SORL1: variants seen among roughly 807,000 people sequenced by gnomAD.
SORL1 encodes sortilin-related receptor.
SORL1 carries 127 observed loss-of-function variants against 273.7 expected under a neutral mutation model. The observed-to-expected ratio is 0.46, with a 90% CI of 0.40 to 0.54. SORL1 has a LOEUF of 0.54. SORL1 is among the 20% of genes least tolerant of loss of function. The pLI is 0.00. For missense variants in SORL1, 2,494 were observed against 2,846.1 expected (o/e 0.88, Z 2.81); for synonymous variants, 1,031 against 1,067.4 (o/e 0.97, Z 0.66).
chr11:121,577,098 A>G (rs1790212), intron 24 of SORL1, 183 bp from the exon 25 acceptor site: 1,089,589 of 1,093,662 alleles, frequency 1, 542,886 homozygotes, highest in East Asian at 1. Flanking sequence ...ACCCATTTGC[A>G]GCACACTGAC....
Position 121,619,857 on chromosome 11 carries a change from G to A in SORL1, c.5829G>A (p.Thr1943=), listed in dbSNP as rs763449884. The A allele has an allele frequency of 8.7e-6, 14 of 1,613,918 alleles. No individual in the cohort carries two copies. In the Admixed American group the frequency reaches 1.0e-4, roughly 12 times the overall value. The change falls in exon 43 of 48, where the codon ACG becomes ACA. Residue 1943 remains threonine, a synonymous_variant. Transcript: ENST00000260197. ...CCCGTCACCTGCATGTGGTTCATACGGGCAAAACCTCCGTGGTCATCAAGT... is the reference window on the plus strand; with the variant it reads ...CCCGTCACCTGCATGTGGTTCATACAGGCAAAACCTCCGTGGTCATCAAGT... The part of the protein sequence containing the change: ...LPPRHLHVVH[T]GKTSVVIKWE...
chr11:121,621,271 ACAGC>A (rs759541544), intron 44 of SORL1, 33 bp downstream of exon 44: 43 of 1,594,162 alleles, frequency 2.7e-5, no homozygotes, highest in Admixed American at 1.9e-4. Context: ...GTCTTCTCAC[ACAGC>A]CTGCCCTCAG....
chr11:121,621,338 C>T, intron 44 of SORL1, 100 bp downstream of exon 44: 3 of 1,082,476 alleles, frequency 2.8e-6, no homozygotes, highest in Non-Finnish European at 4.0e-6. Flanking sequence ...GTTTGTTTCA[C>T]AGGGAGTGCA....
chr11:121,490,180 G>T, intron 5 of SORL1, 70 bp downstream of exon 5: 1 of 1,028,280 alleles, frequency 9.7e-7, no homozygotes, highest in Non-Finnish European at 1.5e-6. Flanking sequence ...CCTTCTTGGT[G>T]GACAAACTGC....
At chr11:121,610,131 C>T (rs947270438) in intron 38 of SORL1, 1 of 152,274 alleles carries the variant, frequency 6.6e-6, no homozygotes, top group African/African-American at 2.4e-5. Context: ...CAAATCTTAT[C>T]TGCTCCTTTG....
Position 121,522,591 on chromosome 11 carries a change from C to T in SORL1, c.1410C>T (p.Ser470=), listed in dbSNP as rs1862056461. 2 of 1,613,542 alleles carry T rather than the reference C, an allele frequency of 1.2e-6. No individual in the cohort carries two copies. Among genetic ancestry groups the T allele is most frequent in the South Asian group, 1.1e-5 (1 of 91,066 alleles). ...CTGAAACTTTGGTTGTATAGCTTTC[C>T]CAGGGCTGTTCCCTTCATCTGGCTC... The part of the protein sequence containing the change: ...GYGEKINCEL[S]QGCSLHLAQR... The change falls in exon 10 of 48, where the codon TCC becomes TCT. Residue 470 remains serine (S), a synonymous_variant. Transcript: ENST00000260197.
rs1799018992 is a variant in SORL1 at position 121,633,287 on chromosome 11, C to T, written c.*3724C>T. On this transcript the variant is annotated 3_prime_UTR_variant, in exon 48 of 48. Coordinates refer to ENST00000260197, the MANE Select transcript of SORL1 (RefSeq NM_003105.6). ...AGCCATATTATGAATTAAATCGTCA[C>T]AGCCAAGTAATAACCCAAGAATGGT... The T allele has an allele frequency of 6.6e-6, 1 of 152,180 alleles. No individual in the cohort carries two copies. The highest frequency in any genetic ancestry group is 6.5e-5 in the Admixed American group (1 of 15,272). The allele number at this position is 152,180 out of a possible 1,614,324, so 9.4% of individuals were successfully genotyped here.
At chr11:121,458,331 A>AC (rs1304253565) in intron 1 of SORL1, among the ~76,000 whole-genome samples, 4 of 152,222 alleles carry the variant, frequency 2.6e-5, no homozygotes, top group Non-Finnish European at 5.9e-5. Context: ...GATGCAGATA[A>AC]TTGAGAGTTG....
chr11:121,557,555 G>A, intron 19 of SORL1, 150 bp downstream of exon 19: 1 of 645,156 alleles, frequency 1.6e-6, no homozygotes, highest in Middle Eastern at 2.5e-4. Context: ...CCACAGCTTA[G>A]TCATCGTGGT....
At chr11:121,504,590 C>T (rs1591303602) in intron 6 of SORL1, among the ~76,000 whole-genome samples, 1 of 152,006 alleles carries the variant, frequency 6.6e-6, no homozygotes, top group African/African-American at 2.4e-5. Context: ...TGTGTGGATT[C>T]CTTAGGATTT....
chr11:121,563,596 A>G lies in SORL1; in HGVS notation c.3050-3344A>G, dbSNP rs552572402. 6.0e-4 allele frequency among the ~76,000 whole-genome samples: 92 copies of G among 152,274 alleles called. No homozygotes were observed. Among genetic ancestry groups the G allele is most frequent in the African/African-American group, 2.1e-3 (88 of 41,554 alleles). ...ATTTTAGTAGAGATTGGGTTTCACC[A>G]TGTTGCCCAGGCTGGTCTTGAACTC... On this transcript the variant is annotated intron_variant, in intron 21 of 47. Coordinates refer to ENST00000260197, the MANE Select transcript of SORL1 (RefSeq NM_003105.6). The surrounding 1 kb of genome is among the most constrained non-coding windows in gnomAD (Gnocchi z 4.2).
chr11:121,574,475 G>A, intron 24 of SORL1, 112 bp downstream of exon 24: 1 of 979,436 alleles, frequency 1.0e-6, no homozygotes, highest in Non-Finnish European at 1.5e-6. Context: ...CAGGATTTAT[G>A]ATATTCTAGC....
intron 3 of SORL1, 103 bp from the exon 4 acceptor site, chr11:121,487,929 C>A: frequency 8.3e-7 from 1 of 1,211,834 alleles, no homozygotes; most frequent in African/African-American, 1.5e-5. Flanking sequence ...TGCCAGCTGG[C>A]CCCTGCACAT....
In SORL1 at chr11:121,627,257, A is replaced by G. The variant is rs1411297026; in HGVS notation, c.6365-298A>G. Reference sequence around the variant, plus strand: ...AATAATGCTAATGAAATCAATGTTGATACCCCAACAAAGGTCTCCCTTCCA... The same window carrying G: ...AATAATGCTAATGAAATCAATGTTGGTACCCCAACAAAGGTCTCCCTTCCA... On this transcript the variant is annotated intron_variant, in intron 46 of 47. Transcript: ENST00000260197. The surrounding 1 kb of genome is among the most constrained non-coding windows in gnomAD (Gnocchi z 4.9). The G allele has an allele frequency of 2.6e-6, 1 of 381,382 alleles. No homozygotes were observed. The highest frequency in any genetic ancestry group is 4.8e-6 in the Non-Finnish European group (1 of 208,158). 23.6% of individuals were successfully genotyped at this position (381,382 alleles called of 1,614,324 possible).
intron 46 of SORL1, chr11:121,626,608 C>T (rs1863798668): frequency 6.6e-6 from 1 of 152,232 alleles, no homozygotes; most frequent in African/African-American, 2.4e-5. Flanking sequence ...ACAGAGCTTT[C>T]TAGTGAAGCA....
intron 11 of SORL1, among the ~76,000 whole-genome samples, chr11:121,531,685 C>T (rs1355409963): frequency 6.6e-6 from 1 of 152,168 alleles, no homozygotes; most frequent in African/African-American, 2.4e-5. Context: ...GTATGCTAAG[C>T]CTTTGTTACA....
In SORL1 at chr11:121,622,162, T is replaced by C. The variant is rs143520690; in HGVS notation, c.6065T>C (p.Val2022Ala). The C allele has an allele frequency of 2.0e-5, 31 of 1,578,742 alleles. No homozygotes were observed. In the African/African-American group the frequency reaches 3.9e-4, roughly 20 times the overall value. ...SKDSSIKITT[V>A]SLSAPDALKI... is the part of the protein sequence containing the mutation. The stretch of plus-strand genomic sequence containing the variant: ...ATCCCATCTCATCTTTAATTTTCAG[T>C]TTCATTATCAGCACCTGATGCCTTA... Residue 2022 changes from valine (V) to alanine (A), a missense_variant and splice_region_variant, in exon 45 of 48, where the codon GTT becomes GCT. Transcript: ENST00000260197.
At chr11:121,507,340 CATTATTTCTTCAAAT>C (rs1565318600) in intron 6 of SORL1, among the ~76,000 whole-genome samples, 1 of 152,110 alleles carries the variant, frequency 6.6e-6, no homozygotes, top group Non-Finnish European at 1.5e-5. Context: ...AGTTTTGGGT[CATTATTTCTTCAAAT>C]ATTCTTTCTC....
chr11:121,591,874 T>C (rs950635537), intron 31 of SORL1, among the ~76,000 whole-genome samples: 1 of 152,250 alleles, frequency 6.6e-6, no homozygotes, highest in African/African-American at 2.4e-5. Context: ...TCCCAAACTT[T>C]AGTGAACCTA....
Sources: allele counts gnomAD v4.1 joint callset (sites outside exome capture counted in the v4.1 genomes callset), GRCh38; gene constraint gnomAD v4.1.1; non-coding constraint Gnocchi (gnomAD v3.1); transcripts MANE v1.5; gene names NCBI Gene and HGNC (gene_info 2026-07-23, HGNC 2026-07-21).